SRGAP3: variants seen among roughly 807,000 people sequenced by gnomAD.
SRGAP3 encodes SLIT-ROBO Rho GTPase activating protein 3, also known as SLIT-ROBO Rho GTPase-activating protein 3.
Under a neutral mutation model 121.1 loss-of-function variants are expected in SRGAP3, and 39 were observed. That is an observed-to-expected ratio of 0.32 (90% CI 0.25 to 0.42). The LOEUF (loss-of-function observed/expected upper bound fraction) is 0.42, where lower values mean the gene tolerates loss of function less well. Ranked by LOEUF, SRGAP3 falls within the 10% of genes least tolerant of loss-of-function variation. The pLI, the probability that SRGAP3 is intolerant of heterozygous loss-of-function variation, is 1.00. For missense variants in SRGAP3, 1,213 were observed against 1,470.6 expected (o/e 0.82, Z 2.86); for synonymous variants, 601 against 570.0 (o/e 1.05, Z -0.77).
intron 3 of SRGAP3, among the ~76,000 whole-genome samples, chr3:9,084,296 C>T (rs1237686706): frequency 6.6e-6 from 1 of 152,136 alleles, no homozygotes; most frequent in Non-Finnish European, 1.5e-5. Context: ...TGGAGGCCAT[C>T]CCAACTCAAG....
intron 3 of SRGAP3, among the ~76,000 whole-genome samples, chr3:9,301,407 C>T (rs1289782201): frequency 6.6e-6 from 1 of 152,224 alleles, no homozygotes. Context: ...GGGAAGGTGG[C>T]CCTTAAAGGC....
At chr3:9,087,158 C>T (rs887488220) in intron 3 of SRGAP3, among the ~76,000 whole-genome samples, 20 of 151,814 alleles carry the variant, frequency 1.3e-4, no homozygotes, top group Admixed American at 5.9e-4. Flanking sequence ...AATCTATGAA[C>T]GAATGAAGTG....
At chr3:9,332,318 C>T (rs537320941) in intron 1 of SRGAP3, among the ~76,000 whole-genome samples, 3 of 152,332 alleles carry the variant, frequency 2.0e-5, no homozygotes, top group Admixed American at 2.0e-4. Flanking sequence ...CAGGGTTTCA[C>T]CATGTTGGCC....
At chr3:9,339,984 C>T (rs1955755015) in intron 1 of SRGAP3, among the ~76,000 whole-genome samples, 1 of 152,142 alleles carries the variant, frequency 6.6e-6, no homozygotes, top group South Asian at 2.1e-4. Flanking sequence ...CATGGGTCAT[C>T]AGCTTGCATT....
At chr3:9,135,423 C>T (rs143526001) in intron 1 of SRGAP3, among the ~76,000 whole-genome samples, 5 of 152,332 alleles carry the variant, frequency 3.3e-5, no homozygotes, top group Non-Finnish European at 7.3e-5. Context: ...TGGAGACTCA[C>T]TCTCCTTGCT....
chr3:9,353,049 C>A (rs1237514191), intron 1 of SRGAP3, among the ~76,000 whole-genome samples: 1 of 152,198 alleles, frequency 6.6e-6, no homozygotes, highest in African/African-American at 2.4e-5. Context: ...GGTGATTCTG[C>A]TTTGCCTTTG....
intron 1 of SRGAP3, among the ~76,000 whole-genome samples, chr3:9,155,365 A>G (rs550113849): frequency 5.5e-4 from 83 of 152,216 alleles, no homozygotes; most frequent in Admixed American, 1.6e-3. Context: ...TTGCACTACA[A>G]TCTGTCTGGG....
intron 3 of SRGAP3, among the ~76,000 whole-genome samples, chr3:9,268,922 TC>T (rs1954421254): frequency 6.6e-6 from 1 of 152,138 alleles, no homozygotes; most frequent in African/African-American, 2.4e-5. Context: ...TCCAACGCTG[TC>T]CCTTTTCCTA....
chr3:9,345,595 C>A (rs1426170757), intron 1 of SRGAP3, among the ~76,000 whole-genome samples: 1 of 151,722 alleles, frequency 6.6e-6, no homozygotes, highest in Non-Finnish European at 1.5e-5. Context: ...CCAGCCATAG[C>A]CAACATGGTG....
intron 13 of SRGAP3, among the ~76,000 whole-genome samples, chr3:9,026,126 C>T (rs866686820): frequency 2.0e-5 from 3 of 152,306 alleles, no homozygotes; most frequent in Middle Eastern, 3.4e-3. Context: ...ATTCTCTCCA[C>T]CTGGACTGCA....
At chr3:9,047,290 CCTG>C in intron 10 of SRGAP3, 98 bp downstream of exon 10, 1 of 1,213,600 alleles carries the variant, frequency 8.2e-7, no homozygotes, top group Non-Finnish European at 1.2e-6. Flanking sequence ...CTGCCAGGTG[CCTG>C]CTGTCTCAAG....
rs2271206 is a variant in SRGAP3 at position 9,025,737 on chromosome 3, A to G, written c.1601-399T>C. Among the ~76,000 whole-genome samples, 40 of 152,264 alleles carry G rather than the reference A, an allele frequency of 2.6e-4. No homozygotes were observed. In the East Asian group the frequency reaches 4.2e-3, roughly 16 times the overall value. ...CCTTTTTTTTACATGTTTCTACAAGACCTTAACAAAGAGGAGACCCTTATA... is the reference window on the plus strand; with the variant it reads ...CCTTTTTTTTACATGTTTCTACAAGGCCTTAACAAAGAGGAGACCCTTATA... On this transcript the variant is annotated intron_variant, in intron 13 of 21. Transcript: ENST00000383836.
chr3:9,058,593 G>A (rs1945954927), intron 6 of SRGAP3, 121 bp from the exon 7 acceptor site: 2 of 1,042,590 alleles, frequency 1.9e-6, no homozygotes, highest in Middle Eastern at 3.0e-4. Context: ...CCATCCCGGA[G>A]GCCCCAAGGC....
In SRGAP3 at chr3:9,197,124, T is replaced by C. The variant is rs527248612; in HGVS notation, c.67+51761A>G. On this transcript the variant is annotated intron_variant, in intron 1 of 21. Transcript: ENST00000383836. ...GTTTTCAGGGTAGAAAAGGGATTCG[T>C]ATAGATGACAGGGTGTACTGGCCTA... Among the ~76,000 whole-genome samples the C allele has an allele frequency of 2.7e-4, 41 of 152,328 alleles. 1 individual carries two copies. The South Asian group carries it at 8.3e-3, about 31-fold the overall frequency.
intron 1 of SRGAP3, among the ~76,000 whole-genome samples, chr3:9,191,307 T>C (rs1403848513): frequency 6.6e-6 from 1 of 152,264 alleles, no homozygotes; most frequent in South Asian, 2.1e-4. Context: ...CAAATTTCTC[T>C]ACCATGAGCA....
At chr3:9,138,181 G>C (rs1949729518) in intron 1 of SRGAP3, among the ~76,000 whole-genome samples, 1 of 152,112 alleles carries the variant, frequency 6.6e-6, no homozygotes, top group Non-Finnish European at 1.5e-5. Context: ...TTTACAATGT[G>C]CCCCTTCTAA....
chr3:9,362,544 G>A (rs958375160), intron 1 of SRGAP3, among the ~76,000 whole-genome samples: 1 of 151,946 alleles, frequency 6.6e-6, no homozygotes, highest in African/African-American at 2.4e-5. Flanking sequence ...CTTTAGGAGG[G>A]CTAGACAGAA....
chr3:9,005,480 G>T lies in SRGAP3; in HGVS notation c.2227+4828C>A, dbSNP rs74528368. Among the ~76,000 whole-genome samples, 761 of 131,730 alleles carry T rather than the reference G, an allele frequency of 5.8e-3. 8 individuals carry two copies. The highest frequency in any genetic ancestry group is 0.021 in the African/African-American group (739 of 35,948). 86.4% of individuals were successfully genotyped at this position (131,730 alleles called of 152,430 possible). On this transcript the variant is annotated intron_variant, in intron 18 of 21. Coordinates refer to ENST00000383836, the MANE Select transcript of SRGAP3 (RefSeq NM_014850.4). Reference sequence around the variant, plus strand: ...TCTATACAAAAACTTGCACACACATGTTTGCAGCAGTATTATATCATAGCT... The same window carrying T: ...TCTATACAAAAACTTGCACACACATTTTTGCAGCAGTATTATATCATAGCT...
rs540517105 is a variant in SRGAP3 at position 9,052,353 on chromosome 3, G to A, written c.1323+674C>T. On this transcript the variant is annotated intron_variant, in intron 9 of 21. Coordinates refer to ENST00000383836, the MANE Select transcript of SRGAP3 (RefSeq NM_014850.4). Reference sequence around the variant, plus strand: ...AAAGCCAGGCACAATGCAAACAAAAGGGCTGTCTGGGGAAAAAGGGAGATT... The same window carrying A: ...AAAGCCAGGCACAATGCAAACAAAAAGGCTGTCTGGGGAAAAAGGGAGATT... 2.2e-4 allele frequency among the ~76,000 whole-genome samples: 33 copies of A among 152,286 alleles called. No individual in the cohort carries two copies. The East Asian group carries it at 6.0e-3, about 28-fold the overall frequency.
Sources: gnomAD v4.1 joint callset for allele counts (sites outside exome capture counted in the v4.1 genomes callset) on GRCh38, gnomAD v4.1.1 for gene constraint, MANE v1.5 for transcripts, NCBI Gene and HGNC (gene_info 2026-07-23, HGNC 2026-07-21) for gene names.